Variants in AP3S2 observed in about 807,000 individuals in gnomAD.
AP3S2 encodes the protein adaptor related protein complex 3 subunit sigma 2.
AP3S2 carries 22 observed loss-of-function variants against 23.4 expected under a neutral mutation model. The ratio of observed to expected loss-of-function variants is 0.94; its 90% CI spans 0.67 to 1.34. The LOEUF (loss-of-function observed/expected upper bound fraction) is 1.34, where lower values mean the gene tolerates loss of function less well. Among genes scored for constraint, AP3S2 ranks in the 40% most tolerant of loss-of-function variants. The pLI is 0.00. For missense variants in AP3S2, 241 were observed against 236.9 expected, an observed-to-expected ratio of 1.02 and a Z score of -0.11; for synonymous variants, 86 against 87.1, an observed-to-expected ratio of 0.99 and a Z score of 0.07.
intron 4 of AP3S2, among the ~76,000 whole-genome samples, chr15:89,863,599 T>C (rs2141870059): frequency 6.6e-6 from 1 of 152,000 alleles, no homozygotes; most frequent in East Asian, 1.9e-4. Context: ...AAAAACAACT[T>C]AGGAGGTTAA....
intron 4 of AP3S2, among the ~76,000 whole-genome samples, chr15:89,851,497 C>T (rs909107054): frequency 6.6e-6 from 1 of 152,142 alleles, no homozygotes; most frequent in African/African-American, 2.4e-5. Context: ...TGCCACCACG[C>T]CTGGCTAATT....
At chr15:89,874,081 AC>A (rs1404217827) in intron 3 of AP3S2, among the ~76,000 whole-genome samples, 1 of 147,972 alleles carries the variant, frequency 6.8e-6, no homozygotes, top group African/African-American at 2.5e-5. Flanking sequence ...ATAGGGTTTC[AC>A]CATGTTGGCC....
chr15:89,837,699 C>T lies in AP3S2; in HGVS notation c.369G>A (p.Val123=). ...MDKVHYILQE[V]VMGGMVLETN... ...TTTCCAACACCATCCCACCCATCAC[C>T]ACCTCCTGGAGGATGTAGTGCACCT... The change falls in exon 5 of 6, where the codon GTG becomes GTA. Residue 123 remains valine (V), a synonymous_variant. Transcript: ENST00000336418. 2 of 1,614,150 alleles carry T rather than the reference C, an allele frequency of 1.2e-6. No individual in the cohort carries two copies. Among genetic ancestry groups the T allele is most frequent in the African/African-American group, 1.3e-5 (1 of 75,038 alleles).
chr15:89,892,992 A>ATTACC (rs1430476943), intron 1 of AP3S2: 1 of 152,210 alleles, frequency 6.6e-6, no homozygotes, highest in Non-Finnish European at 1.5e-5. Context: ...CCTCGATGTA[A>ATTACC]TCTACTTAAT....
intron 4 of AP3S2, among the ~76,000 whole-genome samples, chr15:89,843,596 T>C (rs550182989): frequency 2.0e-5 from 3 of 152,162 alleles, no homozygotes; most frequent in Non-Finnish European, 2.9e-5. Context: ...GATCGCACCA[T>C]TGTACTCCAG....
intron 3 of AP3S2, chr15:89,878,371 C>G: frequency 5.1e-6 from 3 of 584,444 alleles, no homozygotes; most frequent in Non-Finnish European, 9.0e-6. Flanking sequence ...AAAGAATATG[C>G]ATACAATTAG....
chr15:89,861,244 A>G (rs957249091), intron 4 of AP3S2, among the ~76,000 whole-genome samples: 1 of 152,202 alleles, frequency 6.6e-6, no homozygotes, highest in Non-Finnish European at 1.5e-5. Flanking sequence ...TCTTGGGTTC[A>G]GCACCATTCA....
intron 4 of AP3S2, among the ~76,000 whole-genome samples, chr15:89,868,406 C>T (rs1461572502): frequency 2.0e-4 from 13 of 65,744 alleles, no homozygotes; most frequent in South Asian, 6.7e-4. Context: ...GTCAGCCCTC[C>T]GCCCGGCCAG....
rs1248310049 is a variant in AP3S2, at chr15:89,832,632, G to A, written c.*2883C>T. Reference sequence around the variant, plus strand: ...GCCTCCTGAGTAGCTGGGACTACAGGTGTCCACTACCACGGCTGGCCAATT... The same window carrying A: ...GCCTCCTGAGTAGCTGGGACTACAGATGTCCACTACCACGGCTGGCCAATT... On this transcript the variant is annotated 3_prime_UTR_variant, in exon 6 of 6. Coordinates refer to ENST00000336418, the MANE Select transcript of AP3S2 (RefSeq NM_005829.5). 6.6e-6 allele frequency: 1 copy of A among 152,002 alleles called. No homozygotes were observed. Among genetic ancestry groups the A allele is most frequent in the Admixed American group, 6.6e-5 (1 of 15,246 alleles). 9.4% of individuals were successfully genotyped at this position (152,002 alleles called of 1,614,324 possible).
intron 5 of AP3S2, 25 bp from the exon 6 acceptor site, chr15:89,835,668 T>C (rs1205323411): frequency 5.1e-6 from 8 of 1,567,260 alleles, no homozygotes; most frequent in South Asian, 1.1e-5. Flanking sequence ...GAGGCGAGTA[T>C]GAGACAAATT....
intron 3 of AP3S2, chr15:89,877,495 T>G (rs1896470281): frequency 1.3e-6 from 1 of 796,680 alleles, no homozygotes; most frequent in African/African-American, 1.8e-5. Flanking sequence ...TCAGTAGCAT[T>G]CGATAACGTT....
chr15:89,832,986 C>G lies in AP3S2; in HGVS notation c.*2529G>C, dbSNP rs915807331. 6.6e-6 allele frequency: 1 copy of G among 152,148 alleles called. No individual in the cohort carries two copies. Among genetic ancestry groups the G allele is most frequent in the Admixed American group, 6.5e-5 (1 of 15,286 alleles). The allele number at this position is 152,148 out of a possible 1,614,324, so 9.4% of individuals were successfully genotyped here. Reference sequence around the variant, plus strand: ...GCCATGTGAGGGATGTTTGGATGCTCGCTTTGAATCTGTAGGACCACTCAA... The same window carrying G: ...GCCATGTGAGGGATGTTTGGATGCTGGCTTTGAATCTGTAGGACCACTCAA... On this transcript the variant is annotated 3_prime_UTR_variant, in exon 6 of 6. Coordinates refer to ENST00000336418, the MANE Select transcript of AP3S2 (RefSeq NM_005829.5).
At position 89,835,344 on chromosome 15, in the gene AP3S2, C is replaced by CA. The variant is rs373260589; in HGVS notation, c.*170dup. On this transcript the variant is annotated 3_prime_UTR_variant, in exon 6 of 6. Coordinates refer to ENST00000336418, the MANE Select transcript of AP3S2 (RefSeq NM_005829.5). Reference sequence around the variant, plus strand: ...AGAACTGGGTGCACCCGAGCAGTGTCAATAGGAATCCCTTCCCTATTCCAT... The same window carrying CA: ...AGAACTGGGTGCACCCGAGCAGTGTCAAATAGGAATCCCTTCCCTATTCCAT... 536 of 1,163,498 alleles carry CA rather than the reference C, an allele frequency of 4.6e-4. 7 individuals are homozygous for CA. In the African/African-American group the frequency reaches 7.6e-3, roughly 17 times the overall value. 72.1% of individuals were successfully genotyped at this position (1,163,498 alleles called of 1,614,324 possible). A position where few individuals can be genotyped will look rare whatever the true frequency, so the allele number is the denominator to read the frequency against.
intron 4 of AP3S2, among the ~76,000 whole-genome samples, chr15:89,860,359 A>G (rs755694269): frequency 2.6e-5 from 4 of 152,178 alleles, no homozygotes; most frequent in African/African-American, 9.7e-5. Flanking sequence ...TGGGGCCATT[A>G]TGAAGTAAAA....
intron 4 of AP3S2, among the ~76,000 whole-genome samples, chr15:89,841,463 T>G (rs1024240275): frequency 2.6e-5 from 4 of 152,188 alleles, no homozygotes; most frequent in African/African-American, 9.7e-5. Flanking sequence ...TGCAAAAATA[T>G]GTACTTCCTG....
intron 2 of AP3S2, 40 bp downstream of exon 2, chr15:89,889,009 A>G (rs778555122): frequency 6.2e-7 from 1 of 1,609,318 alleles, no homozygotes; most frequent in South Asian, 1.1e-5. Context: ...GGCCACTCAC[A>G]AGTGGATATA....
intron 4 of AP3S2, among the ~76,000 whole-genome samples, chr15:89,847,363 G>A (rs186818778): frequency 4.8e-5 from 6 of 124,844 alleles, no homozygotes; most frequent in South Asian, 2.6e-4. Flanking sequence ...GAGACAGGGC[G>A]AGACCCTGTT....
chr15:89,888,717 C>G, intron 2 of AP3S2, 85 bp from the exon 3 acceptor site: 1 of 1,404,202 alleles, frequency 7.1e-7, no homozygotes, highest in Non-Finnish European at 9.7e-7. Flanking sequence ...TGAGAAAGGA[C>G]CCACTGGAAA....
intron 4 of AP3S2, among the ~76,000 whole-genome samples, chr15:89,860,968 C>T (rs1567179695): frequency 1.3e-5 from 2 of 152,214 alleles, no homozygotes; most frequent in Non-Finnish European, 2.9e-5. Context: ...ATCAAAAACA[C>T]AAACTGTCTG....
Sources: gnomAD v4.1 joint callset for allele counts (sites outside exome capture counted in the v4.1 genomes callset) on GRCh38, gnomAD v4.1.1 for gene constraint, MANE v1.5 for transcripts, NCBI Gene and HGNC (gene_info 2026-07-23, HGNC 2026-07-21) for gene names.